CCNY: variants seen among roughly 807,000 people sequenced by gnomAD.
CCNY encodes cyclin-Y.
CCNY carries 19 observed loss-of-function variants against 42.8 expected under a neutral mutation model. The ratio of observed to expected loss-of-function variants is 0.44; its 90% confidence interval spans 0.31 to 0.65. The LOEUF is 0.65. Ranked by LOEUF, CCNY falls within the 30% of genes least tolerant of loss-of-function variation. The pLI, the probability that CCNY is intolerant of heterozygous loss-of-function variation, is 0.07. For synonymous variants in CCNY, 165 were observed against 162.7 expected (o/e 1.01, Z -0.11); for missense variants, 370 against 437.3 (o/e 0.85, Z 1.37).
At chr10:35,561,430 C>G (rs1049165805) in intron 8 of CCNY, among the ~76,000 whole-genome samples, 1 of 152,178 alleles carries the variant, frequency 6.6e-6, no homozygotes, top group Non-Finnish European at 1.5e-5. Context: ...TTTTACAAAA[C>G]TGGGCCCATA....
chr10:35,305,914 T>C (rs1835600973), intron 3 of CCNY, among the ~76,000 whole-genome samples: 2 of 152,182 alleles, frequency 1.3e-5, no homozygotes, highest in Admixed American at 1.3e-4. Context: ...GTGGGTTTCA[T>C]TTCTATCACA....
In CCNY at chr10:35,510,821, G is replaced by C. The variant is rs1431623677; in HGVS notation, c.265-5702G>C. ...GGGGTTACTATTATTGGTTATTCTA[G>C]GACAACAGGGACAAACTACGGCTGT... On this transcript the variant is annotated intron_variant, in intron 3 of 9. Transcript: ENST00000374704. Among the ~76,000 whole-genome samples the C allele has an allele frequency of 2.0e-5, 3 of 152,172 alleles. No individual in the cohort carries two copies. In the East Asian group the frequency reaches 5.8e-4, roughly 29 times the overall value.
intron 3 of CCNY, among the ~76,000 whole-genome samples, chr10:35,282,637 C>A (rs1424035203): frequency 1.5e-4 from 22 of 149,612 alleles, no homozygotes; most frequent in Middle Eastern, 3.5e-3. Flanking sequence ...GCAGGAAAAT[C>A]ACTTGAACCT....
intron 1 of CCNY, among the ~76,000 whole-genome samples, chr10:35,369,930 C>T (rs1836891486): frequency 6.6e-6 from 1 of 152,156 alleles, no homozygotes; most frequent in Admixed American, 6.5e-5. Context: ...TGTTTATTCT[C>T]TGCATTAGAA....
intron 1 of CCNY, among the ~76,000 whole-genome samples, chr10:35,388,677 T>C (rs1837346383): frequency 6.6e-6 from 1 of 152,266 alleles, no homozygotes; most frequent in South Asian, 2.1e-4. Flanking sequence ...TTTCTGCTGC[T>C]GCCACAACAA....
chr10:35,406,986 C>A (rs1837793552), intron 1 of CCNY, among the ~76,000 whole-genome samples: 1 of 152,182 alleles, frequency 6.6e-6, no homozygotes, highest in Admixed American at 6.5e-5. Context: ...AGCCTTCTGG[C>A]CCCTCTGGGT....
At chr10:35,368,251 G>T (rs1304050188) in intron 1 of CCNY, among the ~76,000 whole-genome samples, 1 of 152,152 alleles carries the variant, frequency 6.6e-6, no homozygotes, top group Non-Finnish European at 1.5e-5. Context: ...TCAGTTTTCT[G>T]GGCTTCAAGT....
At chr10:35,343,382 C>CTTGTTTT (rs1836227990) in intron 1 of CCNY, among the ~76,000 whole-genome samples, 1 of 85,916 alleles carries the variant, frequency 1.2e-5, no homozygotes, top group Non-Finnish European at 2.1e-5. Context: ...AGCTGATGGT[C>CTTGTTTT]TTTTTTTTTT....
chr10:35,572,210 A>C lies in CCNY; in HGVS notation c.*3040A>C, dbSNP rs967616988. 1 of 152,072 alleles carries C rather than the reference A, an allele frequency of 6.6e-6. No individual in the cohort carries two copies. Among genetic ancestry groups the C allele is most frequent in the Non-Finnish European group, 1.5e-5 (1 of 68,030 alleles). 9.4% of individuals were successfully genotyped at this position (152,072 alleles called of 1,614,324 possible). On this transcript the variant is annotated 3_prime_UTR_variant, in exon 10 of 10. Transcript: ENST00000374704. ...GCTAAGCTGAAAGCAAAATTTGGGG[A>C]GTGAATGATTTAAACTTTTCCTGCT...
chr10:35,528,127 C>G (rs1299948100), intron 5 of CCNY, among the ~76,000 whole-genome samples: 1 of 152,050 alleles, frequency 6.6e-6, no homozygotes, highest in Non-Finnish European at 1.5e-5. Flanking sequence ...GGAATGGGGT[C>G]CTGGGCCAGG....
At chr10:35,332,761 C>G (rs574759388), upstream of CCNY, among the ~76,000 whole-genome samples, 3 of 152,242 alleles carry the variant, frequency 2.0e-5, no homozygotes, top group African/African-American at 4.8e-5. Context: ...CCCACCACCA[C>G]GCCTGGCTAA....
chr10:35,473,261 C>T (rs558567201), intron 1 of CCNY, among the ~76,000 whole-genome samples: 5 of 152,338 alleles, frequency 3.3e-5, no homozygotes, highest in Admixed American at 1.3e-4. Context: ...CCACCTGCCT[C>T]GTGGCAGAGC....
intron 1 of CCNY, among the ~76,000 whole-genome samples, chr10:35,446,528 TG>T (rs1838793569): frequency 6.6e-6 from 1 of 152,212 alleles, no homozygotes; most frequent in Admixed American, 6.5e-5. Flanking sequence ...TTAGTAAAAG[TG>T]TGGTAGTGTA....
intron 1 of CCNY, among the ~76,000 whole-genome samples, chr10:35,403,066 A>G (rs1474069088): frequency 6.7e-6 from 1 of 148,708 alleles, no homozygotes; most frequent in Non-Finnish European, 1.5e-5. Flanking sequence ...GCATGTGGGT[A>G]AAGTCAATTT....
chr10:35,365,982 G>T (rs1416477035), intron 1 of CCNY, among the ~76,000 whole-genome samples: 1 of 152,188 alleles, frequency 6.6e-6, no homozygotes, highest in Non-Finnish European at 1.5e-5. Flanking sequence ...TGAAATCCTT[G>T]TTCATTTTCA....
chr10:35,515,875 A>T (rs577202220), intron 3 of CCNY, among the ~76,000 whole-genome samples: 1 of 152,350 alleles, frequency 6.6e-6, no homozygotes, highest in African/African-American at 2.4e-5. Flanking sequence ...TTGTACAGTT[A>T]TGAAAGAACC....
chr10:35,295,230 CT>C (rs66667305), intron 3 of CCNY, among the ~76,000 whole-genome samples: 52,971 of 147,564 alleles, frequency 0.36, 9,389 homozygotes, highest in South Asian at 0.43. Flanking sequence ...CCCTATAATA[CT>C]TTTTTTTTTT....
intron 1 of CCNY, among the ~76,000 whole-genome samples, chr10:35,443,721 T>G (rs906834810): frequency 3.3e-5 from 5 of 152,228 alleles, no homozygotes; most frequent in Non-Finnish European, 7.3e-5. Context: ...AGCCCCCATC[T>G]TTTAGGCTAG....
intron 3 of CCNY, among the ~76,000 whole-genome samples, chr10:35,320,084 C>T (rs1002141578): frequency 1.3e-5 from 2 of 152,100 alleles, no homozygotes; most frequent in African/African-American, 4.8e-5. Flanking sequence ...AAAATAATAA[C>T]AAACACACAC....
Sources: gnomAD v4.1 joint callset for allele counts (sites outside exome capture counted in the v4.1 genomes callset) on GRCh38, gnomAD v4.1.1 for gene constraint, MANE v1.5 for transcripts, NCBI Gene and HGNC (gene_info 2026-07-23, HGNC 2026-07-21) for gene names.